Variants in PCSK2 observed in about 807,000 individuals in gnomAD.
PCSK2 encodes the protein proprotein convertase subtilisin/kexin type 2, also known as neuroendocrine convertase 2.
A neutral mutation model predicts 69.7 loss-of-function variants in PCSK2; 14 were observed. That is an observed-to-expected ratio of 0.20 (90% CI 0.13 to 0.31). The LOEUF is 0.31. PCSK2 is among the 10% of genes least tolerant of loss of function. The pLI, the probability that PCSK2 is intolerant of heterozygous loss-of-function variation, is 1.00. For missense variants in PCSK2, 544 were observed against 842.5 expected (o/e 0.65, Z 4.39); for synonymous variants, 307 against 320.7 (o/e 0.96, Z 0.46).
At chr20:17,243,993 T>C (rs1382933197) in intron 1 of PCSK2, among the ~76,000 whole-genome samples, 1 of 152,188 alleles carries the variant, frequency 6.6e-6, no homozygotes, top group Non-Finnish European at 1.5e-5. Context: ...ATTAAGACAG[T>C]TGGCAACATA....
At chr20:17,273,458 G>C (rs1249420645) in intron 2 of PCSK2, among the ~76,000 whole-genome samples, 1 of 152,128 alleles carries the variant, frequency 6.6e-6, no homozygotes, top group African/African-American at 2.4e-5. Context: ...AGACTTCAAA[G>C]CTGGAAGTAT....
chr20:17,450,912 G>A (rs549010005), intron 8 of PCSK2, among the ~76,000 whole-genome samples: 1 of 152,216 alleles, frequency 6.6e-6, no homozygotes, highest in East Asian at 1.9e-4. Context: ...AACCAAAGTA[G>A]GGTGGCATGC....
chr20:17,332,628 G>A (rs926589731), intron 2 of PCSK2, among the ~76,000 whole-genome samples: 8 of 152,192 alleles, frequency 5.3e-5, no homozygotes, highest in Non-Finnish European at 7.4e-5. Context: ...CCAGACTTAC[G>A]GAATCACAAA....
chr20:17,309,646 C>T (rs1484006482), intron 2 of PCSK2, among the ~76,000 whole-genome samples: 3 of 151,934 alleles, frequency 2.0e-5, no homozygotes, highest in South Asian at 2.1e-4. Context: ...GGTGAAACCC[C>T]GTCTCTACTA....
At chr20:17,448,835 C>A (rs931599002) in intron 8 of PCSK2, among the ~76,000 whole-genome samples, 8 of 151,500 alleles carry the variant, frequency 5.3e-5, no homozygotes, top group African/African-American at 1.7e-4. Flanking sequence ...CTCCAAAAGA[C>A]TGGCAGAATT....
At chr20:17,230,962 G>A (rs1263778140) in intron 1 of PCSK2, among the ~76,000 whole-genome samples, 2 of 152,204 alleles carry the variant, frequency 1.3e-5, no homozygotes, top group African/African-American at 4.8e-5. Flanking sequence ...GTCTAGGAGA[G>A]TGAATGAGTT....
intron 2 of PCSK2, among the ~76,000 whole-genome samples, chr20:17,296,716 A>G (rs562196504): frequency 1.3e-5 from 2 of 152,302 alleles, no homozygotes; most frequent in South Asian, 4.1e-4. Flanking sequence ...TAAATTAATT[A>G]TCATAATTTT....
At chr20:17,255,584 G>A (rs1987146435) in intron 1 of PCSK2, among the ~76,000 whole-genome samples, 1 of 152,078 alleles carries the variant, frequency 6.6e-6, no homozygotes. Context: ...CTTGATATCT[G>A]CCCACCTCAG....
chr20:17,325,313 T>C (rs545399810), intron 2 of PCSK2, among the ~76,000 whole-genome samples: 4 of 152,216 alleles, frequency 2.6e-5, no homozygotes, highest in South Asian at 4.1e-4. Flanking sequence ...TATAAGCAGC[T>C]CAATTTTGGT....
At chr20:17,259,785 C>T (rs1211740229) in intron 1 of PCSK2, among the ~76,000 whole-genome samples, 2 of 152,286 alleles carry the variant, frequency 1.3e-5, no homozygotes, top group Non-Finnish European at 1.5e-5. Context: ...GCCCAAGACA[C>T]AGACAGACAG....
At chr20:17,242,291 C>G (rs1165333563) in intron 1 of PCSK2, among the ~76,000 whole-genome samples, 1 of 152,172 alleles carries the variant, frequency 6.6e-6, no homozygotes. Context: ...AGTGACTTAC[C>G]CCTCTCTCCC....
chr20:17,383,401 A>G (rs1339511420), intron 5 of PCSK2, among the ~76,000 whole-genome samples: 2 of 152,210 alleles, frequency 1.3e-5, no homozygotes, highest in Admixed American at 6.5e-5. Context: ...GAGAAATACT[A>G]TATTTCTTCA....
chr20:17,284,771 C>T (rs1368811372), intron 2 of PCSK2, among the ~76,000 whole-genome samples: 1 of 152,058 alleles, frequency 6.6e-6, no homozygotes, highest in African/African-American at 2.4e-5. Context: ...AATCTGTCTC[C>T]CCAAGGAGTT....
chr20:17,459,833 A>G (rs2023423), intron 10 of PCSK2, among the ~76,000 whole-genome samples: 101,908 of 152,070 alleles, frequency 0.67, 34,375 homozygotes, highest in African/African-American at 0.74. Context: ...CTGATCTGTG[A>G]ACTAGGGTGT....
intron 6 of PCSK2, among the ~76,000 whole-genome samples, chr20:17,428,176 T>C (rs1465587955): frequency 2.0e-5 from 3 of 152,188 alleles, no homozygotes; most frequent in Non-Finnish European, 4.4e-5. Flanking sequence ...TTATTTAATA[T>C]CTTTACTTTG....
intron 1 of PCSK2, among the ~76,000 whole-genome samples, chr20:17,241,767 T>C (rs1483700208): frequency 6.6e-6 from 1 of 152,084 alleles, no homozygotes; most frequent in African/African-American, 2.4e-5. Flanking sequence ...CCCTGACATA[T>C]AAATATATGA....
chr20:17,347,313 G>A (rs867140088), intron 2 of PCSK2, among the ~76,000 whole-genome samples: 1 of 152,060 alleles, frequency 6.6e-6, no homozygotes, highest in Admixed American at 6.6e-5. Flanking sequence ...GACTGCCATG[G>A]GCCAAGTCTT....
At chr20:17,330,655 TAAAG>T (rs1401269078) in intron 2 of PCSK2, among the ~76,000 whole-genome samples, 1 of 151,932 alleles carries the variant, frequency 6.6e-6, no homozygotes, top group African/African-American at 2.4e-5. Flanking sequence ...TAAAATAAAA[TAAAG>T]AATTATTTTG....
chr20:17,409,191 A>C (rs2031817629), intron 5 of PCSK2, 72 bp from the exon 6 acceptor site: 7 of 1,165,282 alleles, frequency 6.0e-6, no homozygotes, highest in African/African-American at 1.5e-5. Context: ...GAAATGTTTA[A>C]AGTCTCCCAG....
Sources: allele counts gnomAD v4.1 joint callset (sites outside exome capture counted in the v4.1 genomes callset), GRCh38; gene constraint gnomAD v4.1.1; transcripts MANE v1.5; gene names NCBI Gene and HGNC (gene_info 2026-07-23, HGNC 2026-07-21).